Variants in NAV3 observed in about 807,000 individuals in gnomAD.
The protein encoded by NAV3 is pore membrane and/or filament interacting like protein 1.
In NAV3, 87 loss-of-function variants were observed where a neutral mutation model predicts 244.7. That is an observed-to-expected ratio of 0.36 (90% confidence interval 0.30 to 0.42). The LOEUF is 0.42. Among genes scored for constraint, NAV3 ranks in the 20% least tolerant of loss-of-function variants. The pLI is 1.00. For missense variants in NAV3, 2,663 were observed against 2,893.3 expected (o/e 0.92, Z 1.83); for synonymous variants, 1,126 against 1,042.2 (o/e 1.08, Z -1.55).
intron 9 of NAV3, among the ~76,000 whole-genome samples, chr12:78,041,392 T>A (rs1880833166): frequency 6.6e-6 from 1 of 152,166 alleles, no homozygotes; most frequent in Non-Finnish European, 1.5e-5. Flanking sequence ...TGAGGAATAA[T>A]GAACAAAGTA....
chr12:78,210,309 C>A (rs1960773194), intron 39 of NAV3, 89 bp from the exon 40 acceptor site: 1 of 1,566,644 alleles, frequency 6.4e-7, no homozygotes, highest in Non-Finnish European at 8.7e-7. Flanking sequence ...GATAAGATAG[C>A]TCTTCGGTGT....
At chr12:77,896,147 T>G (rs769825999) in intron 1 of NAV3, among the ~76,000 whole-genome samples, 1 of 152,156 alleles carries the variant, frequency 6.6e-6, no homozygotes, top group Non-Finnish European at 1.5e-5. Context: ...AGATCGCTAC[T>G]ACCTTATCCT....
chr12:77,667,837 C>A (rs1873786741), intron 2 of NAV3, among the ~76,000 whole-genome samples: 1 of 152,128 alleles, frequency 6.6e-6, no homozygotes, highest in Non-Finnish European at 1.5e-5. Context: ...GTCTGGAGGC[C>A]AACCAACACA....
rs1346393712 is a variant in NAV3 at position 77,660,294 on chromosome 12, A to C, written c.72+88028A>C. Among the ~76,000 whole-genome samples, 4 of 152,298 alleles carry C rather than the reference A, an allele frequency of 2.6e-5. No homozygotes were observed. In the East Asian group the frequency reaches 7.7e-4, roughly 29 times the overall value. ...ATGGAACACAAAAATTTTACCAAGCAGGTCTTGTTCCTATTTTCCCATTTT... is the reference window on the plus strand; with the variant it reads ...ATGGAACACAAAAATTTTACCAAGCCGGTCTTGTTCCTATTTTCCCATTTT... On this transcript the variant is annotated intron_variant, in intron 2 of 8. Coordinates refer to the NAV3 transcript ENST00000550042.
At chr12:77,593,426 C>G (rs953815694) in intron 2 of NAV3, among the ~76,000 whole-genome samples, 2 of 151,010 alleles carry the variant, frequency 1.3e-5, no homozygotes, top group African/African-American at 4.9e-5. Flanking sequence ...TGGTGTTCTC[C>G]CTTGTGTTTT....
chr12:77,996,751 T>C (rs1565999564), intron 6 of NAV3, among the ~76,000 whole-genome samples: 1 of 152,178 alleles, frequency 6.6e-6, no homozygotes, highest in Non-Finnish European at 1.5e-5. Context: ...GATACTAATA[T>C]GAGAGACATT....
intron 1 of NAV3, among the ~76,000 whole-genome samples, chr12:77,922,989 T>C (rs1887852710): frequency 6.6e-6 from 1 of 152,064 alleles, no homozygotes; most frequent in Non-Finnish European, 1.5e-5. Flanking sequence ...CTACTTTTTT[T>C]TGCATCATAT....
intron 38 of NAV3, among the ~76,000 whole-genome samples, chr12:78,203,450 T>A (rs532271904): frequency 7.4e-4 from 112 of 152,146 alleles, no homozygotes; most frequent in African/African-American, 2.2e-3. Context: ...TAACTATTTT[T>A]AAAAAAAGTA....
intron 2 of NAV3, among the ~76,000 whole-genome samples, chr12:77,741,237 C>A (rs150382450): frequency 1.7e-4 from 25 of 149,510 alleles, no homozygotes; most frequent in African/African-American, 6.1e-4. Flanking sequence ...AAGGAGAAAC[C>A]GAAAAAAAAG....
chr12:77,867,574 C>T (rs973080630), intron 1 of NAV3, among the ~76,000 whole-genome samples: 11 of 152,090 alleles, frequency 7.2e-5, no homozygotes, highest in East Asian at 1.9e-4. Flanking sequence ...CGCCCGCCAC[C>T]ACGCCCGGCT....
intron 15 of NAV3, 61 bp downstream of exon 15, chr12:78,120,006 C>G: frequency 1.6e-6 from 2 of 1,244,994 alleles, no homozygotes; most frequent in Non-Finnish European, 2.3e-6. Flanking sequence ...TAGACACATA[C>G]ATTACATATA....
chr12:77,718,484 A>T (rs1009849904), intron 2 of NAV3, among the ~76,000 whole-genome samples: 2 of 151,980 alleles, frequency 1.3e-5, no homozygotes, highest in Admixed American at 1.3e-4. Flanking sequence ...GTAACTTTGT[A>T]ATATGTTTGG....
At chr12:77,941,366 T>C (rs1195791475) in intron 3 of NAV3, among the ~76,000 whole-genome samples, 1 of 152,234 alleles carries the variant, frequency 6.6e-6, no homozygotes, top group Non-Finnish European at 1.5e-5. Context: ...TTGACTTTTT[T>C]TTGTTCTGCT....
intron 2 of NAV3, among the ~76,000 whole-genome samples, chr12:77,808,572 A>G (rs1396010220): frequency 1.3e-5 from 2 of 152,168 alleles, no homozygotes; most frequent in African/African-American, 2.4e-5. Context: ...GGCACCGGCC[A>G]GATGCCAGCC....
At chr12:77,757,136 A>C (rs1032968445) in intron 2 of NAV3, among the ~76,000 whole-genome samples, 1 of 152,212 alleles carries the variant, frequency 6.6e-6, no homozygotes, top group Non-Finnish European at 1.5e-5. Flanking sequence ...TTGAGGAATA[A>C]TCCTTAACTG....
At chr12:77,953,926 T>G (rs2137699944) in intron 3 of NAV3, among the ~76,000 whole-genome samples, 1 of 152,256 alleles carries the variant, frequency 6.6e-6, no homozygotes, top group Non-Finnish European at 1.5e-5. Flanking sequence ...CAATAGAAAT[T>G]TAACTTCTCA....
chr12:78,021,349 A>G (rs1054674278), intron 8 of NAV3, among the ~76,000 whole-genome samples: 1 of 152,132 alleles, frequency 6.6e-6, no homozygotes, highest in Non-Finnish European at 1.5e-5. Context: ...AATATATTTT[A>G]TAGAATTTTT....
chr12:77,837,547 T>G (rs935815491), intron 1 of NAV3, among the ~76,000 whole-genome samples: 1 of 152,160 alleles, frequency 6.6e-6, no homozygotes, highest in South Asian at 2.1e-4. Context: ...ATGGAGAAAC[T>G]GCAGCTTAGA....
At chr12:78,118,319 T>G in intron 14 of NAV3, 22 bp downstream of exon 14, 1 of 1,574,946 alleles carries the variant, frequency 6.3e-7, no homozygotes. Flanking sequence ...GTTTGCCAGC[T>G]GTTATGCAAA....
Sources: gnomAD v4.1 joint callset for allele counts (sites outside exome capture counted in the v4.1 genomes callset) on GRCh38, gnomAD v4.1.1 for gene constraint, MANE v1.5 for transcripts, NCBI Gene and HGNC (gene_info 2026-07-23, HGNC 2026-07-21) for gene names.